Variants in ADGRG6 observed in about 807,000 individuals in gnomAD.
The protein encoded by ADGRG6 is adhesion G protein-coupled receptor G6, also known as G-protein coupled receptor 126.
A neutral mutation model predicts 142.4 loss-of-function variants in ADGRG6; 84 were observed. That is an observed-to-expected ratio of 0.59 (90% CI 0.49 to 0.71). ADGRG6 has a LOEUF of 0.71. Ranked by LOEUF, ADGRG6 falls within the 30% of genes least tolerant of loss-of-function variation. ADGRG6 has a pLI of 0.00. For synonymous variants in ADGRG6, 521 were observed against 520.5 expected, an observed-to-expected ratio of 1.00 and a Z score of -0.01; for missense variants, 1,367 against 1,466.6, an observed-to-expected ratio of 0.93 and a Z score of 1.11.
chr6:142,306,148 A>G (rs4593378), intron 1 of ADGRG6, among the ~76,000 whole-genome samples: 1,601 of 152,264 alleles, frequency 0.011, 28 homozygotes, highest in African/African-American at 0.036. Context: ...TATCGTATCA[A>G]TTTCTCCACT....
At chr6:142,413,278 C>G (rs1776183423) in intron 18 of ADGRG6, among the ~76,000 whole-genome samples, 1 of 151,970 alleles carries the variant, frequency 6.6e-6, no homozygotes, top group Non-Finnish European at 1.5e-5. Flanking sequence ...ATGACACATT[C>G]ACCAGTTCAC....
chr6:142,428,140 T>G (rs1777040959), intron 22 of ADGRG6, among the ~76,000 whole-genome samples: 1 of 152,218 alleles, frequency 6.6e-6, no homozygotes, highest in Non-Finnish European at 1.5e-5. Flanking sequence ...GGGTATGTGT[T>G]TATAAACACA....
chr6:142,381,990 G>A lies in ADGRG6; in HGVS notation c.1109G>A (p.Ser370Asn), dbSNP rs376452752. The A allele has an allele frequency of 1.1e-5, 18 of 1,607,674 alleles. No individual in the cohort carries two copies. The Middle Eastern group carries it at 8.3e-4, about 74-fold the overall frequency. The change falls in exon 5 of 25, where the codon AGC becomes AAC. Residue 370 changes from serine (S) to asparagine (N), a missense_variant. Around this residue, in one of 3 missense-constraint regions of ADGRG6, gnomAD observed 737 missense variants for 746.5 expected, o/e 0.99. Transcript: ENST00000367609. ...LIPLPAAELA[S>N]CADLGTLCQA... is the part of the protein sequence containing the mutation. ...CCGCTCCCAGCAGCAGAACTGGCCA[G>A]CTGTGCAGACCTGGGGACCCTCTGT... is the stretch of plus-strand genomic sequence containing the variant.
intron 2 of ADGRG6, among the ~76,000 whole-genome samples, chr6:142,364,547 T>G: frequency 6.6e-6 from 1 of 152,210 alleles, no homozygotes; most frequent in East Asian, 1.9e-4. Flanking sequence ...GCTAACTATG[T>G]CCCAGGTACA....
At chr6:142,318,339 TTATATATTTATATATTATATAATATTTA>T (rs1417497523) in intron 2 of ADGRG6, among the ~76,000 whole-genome samples, 26 of 92,410 alleles carry the variant, frequency 2.8e-4, no homozygotes, top group African/African-American at 1.4e-3. Flanking sequence ...TATATTTATA[TTATATATTTATATATTATATAATATTTA>T]TATATATTTA....
intron 4 of ADGRG6, among the ~76,000 whole-genome samples, chr6:142,377,597 C>T (rs886098232): frequency 6.6e-6 from 1 of 152,172 alleles, no homozygotes; most frequent in Non-Finnish European, 1.5e-5. Flanking sequence ...TTTCTGGTAG[C>T]CTCGAAAATC....
intron 17 of ADGRG6, among the ~76,000 whole-genome samples, chr6:142,410,501 A>C (rs905966017): frequency 6.6e-6 from 1 of 152,098 alleles, no homozygotes; most frequent in Non-Finnish European, 1.5e-5. Context: ...AATCTCTTTG[A>C]AAGGAAGTAC....
intron 22 of ADGRG6, among the ~76,000 whole-genome samples, chr6:142,421,253 G>A (rs943132907): frequency 6.6e-6 from 1 of 152,164 alleles, no homozygotes; most frequent in Non-Finnish European, 1.5e-5. Context: ...GATGGAGAAA[G>A]AGGCTTTGGG....
chr6:142,425,616 G>A (rs2115130040), intron 22 of ADGRG6, among the ~76,000 whole-genome samples: 2 of 152,288 alleles, frequency 1.3e-5, no homozygotes, highest in Admixed American at 1.3e-4. Context: ...GCACCTTAAA[G>A]TCAGCAGGGT....
At chr6:142,369,585 A>T (rs1731441711) in intron 3 of ADGRG6, among the ~76,000 whole-genome samples, 1 of 151,678 alleles carries the variant, frequency 6.6e-6, no homozygotes, top group Non-Finnish European at 1.5e-5. Context: ...ACTTTGTTTG[A>T]CTTTTCACTA....
intron 2 of ADGRG6, among the ~76,000 whole-genome samples, chr6:142,363,187 G>A (rs904114690): frequency 6.6e-6 from 1 of 152,108 alleles, no homozygotes; most frequent in African/African-American, 2.4e-5. Flanking sequence ...CCACAAATCT[G>A]TGTTGAAAGA....
intron 24 of ADGRG6, 34 bp from the exon 25 acceptor site, chr6:142,443,303 T>A: frequency 6.5e-7 from 1 of 1,536,606 alleles, no homozygotes; most frequent in Non-Finnish European, 9.0e-7. Context: ...CACCAGCTCA[T>A]CTTGAACCTA....
Position 142,405,788 on chromosome 6 carries a change from G to T in ADGRG6, c.2228G>T (p.Arg743Ile). Reference protein sequence around the residue: ...LSPEDSVLVRRAQFTFFNKTG... With the variant: ...LSPEDSVLVRIAQFTFFNKTG... ...CCAGAAGATTCTGTATTAGTTAGAAGAGCACAGTTTACTTTCTTCAACAAA... is the reference window on the plus strand; with the variant it reads ...CCAGAAGATTCTGTATTAGTTAGAATAGCACAGTTTACTTTCTTCAACAAA... Residue 743 changes from arginine (R) to isoleucine (I), a missense_variant, in exon 15 of 25, where the codon AGA becomes ATA. Transcript: ENST00000367609. 6.2e-7 allele frequency: 1 copy of T among 1,607,796 alleles called. No individual in the cohort carries two copies. Among genetic ancestry groups the T allele is most frequent in the South Asian group, 1.1e-5 (1 of 90,172 alleles).
At chr6:142,437,635 C>A in intron 23 of ADGRG6, 100 bp downstream of exon 23, 1 of 703,754 alleles carries the variant, frequency 1.4e-6, no homozygotes, top group Admixed American at 2.0e-5. Context: ...TGGTAGCAAG[C>A]TATTGAAGTG....
rs1231823914 is a variant in ADGRG6 at position 142,371,011 on chromosome 6, C to T, written c.1069+218C>T. On this transcript the variant is annotated intron_variant, in intron 4 of 24. Coordinates refer to ENST00000367609, the MANE Select transcript of ADGRG6 (RefSeq NM_198569.3). ...CATTTGATTATAAGCCATGCATGCT[C>T]CATCAAGACATTTGGTTTTACCATT... 7 of 499,240 alleles carry T rather than the reference C, an allele frequency of 1.4e-5. No individual in the cohort carries two copies. In the Admixed American group the frequency reaches 1.8e-4, roughly 13 times the overall value. The allele number at this position is 499,240 out of a possible 1,614,324, so 30.9% of individuals were successfully genotyped here. A position where few individuals can be genotyped will look rare whatever the true frequency, so the allele number is the denominator to read the frequency against.
chr6:142,309,468 C>G (rs1777654107), intron 1 of ADGRG6, 76 bp from the exon 2 acceptor site: 2 of 1,005,166 alleles, frequency 2.0e-6, no homozygotes, highest in Non-Finnish European at 3.0e-6. Flanking sequence ...TACTGGAAAC[C>G]TATAGTTTTT....
At chr6:142,406,724 T>C (rs1438345573) in intron 15 of ADGRG6, among the ~76,000 whole-genome samples, 1 of 152,200 alleles carries the variant, frequency 6.6e-6, no homozygotes, top group Non-Finnish European at 1.5e-5. Flanking sequence ...TTTATATGAA[T>C]GCAATTTATA....
chr6:142,426,645 A>G (rs892030840), intron 22 of ADGRG6, among the ~76,000 whole-genome samples: 2 of 151,828 alleles, frequency 1.3e-5, no homozygotes, highest in Non-Finnish European at 2.9e-5. Flanking sequence ...CCCAGTAGGG[A>G]CTCTGTGTGG....
At chr6:142,440,990 T>G in intron 24 of ADGRG6, 1 of 1,198,174 alleles carries the variant, frequency 8.3e-7, no homozygotes. Flanking sequence ...CATGAATTTT[T>G]TGCAAGGTAA....
Sources: gnomAD v4.1 joint callset for allele counts (sites outside exome capture counted in the v4.1 genomes callset) on GRCh38, gnomAD v4.1.1 for gene constraint, gnomAD v4.1.1 regional missense constraint, MANE v1.5 for transcripts, NCBI Gene and HGNC (gene_info 2026-07-23, HGNC 2026-07-21) for gene names.